The following PCNT variants were observed in gnomAD, a reference collection of about 807,000 sequenced individuals.
The protein encoded by PCNT is kendrin.
A neutral mutation model predicts 380.4 loss-of-function variants in PCNT; 319 were observed. The observed-to-expected ratio is 0.84, with a 90% CI of 0.77 to 0.92. The LOEUF is 0.92. Ranked by LOEUF, PCNT falls within the 40% of genes least tolerant of loss-of-function variation. PCNT has a pLI of 0.00. For synonymous variants in PCNT, 1,845 were observed against 1,735.2 expected (o/e 1.06, Z -1.57); for missense variants, 4,400 against 4,255.3 (o/e 1.03, Z -0.95).
intron 30 of PCNT, among the ~76,000 whole-genome samples, chr21:46,417,579 T>C (rs2087082890): frequency 6.6e-6 from 1 of 152,192 alleles, no homozygotes; most frequent in Non-Finnish European, 1.5e-5. Flanking sequence ...ACATAATCAT[T>C]TTGGGATTTT....
chr21:46,412,697 G>A (rs1569271193), intron 28 of PCNT, 140 bp from the exon 29 acceptor site: 1 of 898,648 alleles, frequency 1.1e-6, no homozygotes, highest in African/African-American at 1.6e-5. Flanking sequence ...GGACCAAGGT[G>A]CTCGGCTGTG....
chr21:46,443,211 T>A (rs2082800854), intron 44 of PCNT: 1 of 162,064 alleles, frequency 6.2e-6, no homozygotes, highest in African/African-American at 2.4e-5. Flanking sequence ...CTTACCAAGT[T>A]GTTGTTGTTG....
At chr21:46,361,107 T>C (rs2084698677) in intron 13 of PCNT, among the ~76,000 whole-genome samples, 1 of 152,204 alleles carries the variant, frequency 6.6e-6, no homozygotes, top group African/African-American at 2.4e-5. Flanking sequence ...ATACACATTC[T>C]TGGCCCGGCA....
chr21:46,372,308 C>T (rs1439817208), intron 15 of PCNT, among the ~76,000 whole-genome samples: 2 of 152,074 alleles, frequency 1.3e-5, no homozygotes, highest in Non-Finnish European at 2.9e-5. Flanking sequence ...AGCAGATGTG[C>T]ACACAGCACG....
intron 27 of PCNT, among the ~76,000 whole-genome samples, chr21:46,403,906 T>TTG (rs746231871): frequency 0.018 from 1,280 of 70,968 alleles, 20 homozygotes; most frequent in Non-Finnish European, 0.026. Flanking sequence ...CGTGGGAGAA[T>TTG]TGTGTGTGTG....
chr21:46,398,216 A>G lies in PCNT; in HGVS notation c.4564-19A>G. The G allele has an allele frequency of 6.2e-7, 1 of 1,608,514 alleles. No individual in the cohort carries two copies. Among genetic ancestry groups the G allele is most frequent in the African/African-American group, 1.3e-5 (1 of 74,942 alleles). On this transcript the variant is annotated intron_variant, in intron 23 of 46. Transcript: ENST00000359568. ...AACTTTCTTTAAATTTTTGCCTTCC[A>G]TGTACATGAAATCGGCAGCAGGCGC... is the stretch of plus-strand genomic sequence containing the variant.
In PCNT at chr21:46,357,096, G is replaced by A; in HGVS notation, c.2059G>A (p.Glu687Lys). The A allele has an allele frequency of 1.2e-6, 2 of 1,613,742 alleles. No homozygotes were observed. The highest frequency in any genetic ancestry group is 2.2e-5 in the East Asian group (1 of 44,880). The change falls in exon 13 of 47, where the codon GAG (glutamate) becomes AAG (lysine). Residue 687 changes from glutamate to lysine, a missense_variant. By Grantham distance (56) the Glu-to-Lys change is moderately conservative. Coordinates refer to ENST00000359568, the MANE Select transcript of PCNT (RefSeq NM_006031.6). ...GGTGCAACTTTCGCTTCTTCAGACT[G>A]AGCTCAAAGAAGAAATTGAACTCCT... ...HKVQLSLLQT[E>K]LKEEIELLKI...
chr21:46,339,099 G>T (rs1184536765), intron 3 of PCNT, among the ~76,000 whole-genome samples: 3 of 151,710 alleles, frequency 2.0e-5, no homozygotes, highest in African/African-American at 7.3e-5. Flanking sequence ...TGTATTTTTA[G>T]TAGGGATAGT....
intron 21 of PCNT, 23 bp downstream of exon 21, chr21:46,391,399 G>A (rs1441719940): frequency 6.5e-7 from 1 of 1,536,410 alleles, no homozygotes. Flanking sequence ...GGCTGTGGAG[G>A]GTGGTGCGAG....
Position 46,354,008 on chromosome 21 carries a change from AGAGAAACCT to A in PCNT, c.1708_1716del (p.Pro570_Lys572del), listed in dbSNP as rs1217800822. Reference sequence around the variant, plus strand: ...TCAGGTTGTCCTGTGTGGGTTTAGAAGAGAAACCTGAGAAAGGAAGAAAAGATCACGTTG... The same window carrying A: ...TCAGGTTGTCCTGTGTGGGTTTAGAAGAGAAAGGAAGAAAAGATCACGTTG... On this transcript the variant is annotated inframe_deletion, in exon 11 of 47. Transcript: ENST00000359568. 2 of 1,614,098 alleles carry A rather than the reference AGAGAAACCT, an allele frequency of 1.2e-6. No homozygotes were observed. The highest frequency in any genetic ancestry group is 1.7e-6 in the Non-Finnish European group (2 of 1,179,950).
In PCNT at chr21:46,398,046, G is replaced by A. The variant is rs1447516856; in HGVS notation, c.4479G>A (p.Glu1493=). ...CAGCCGAGCGGGAGCACGAGCGCGAGGAGTTCCAGCAGGAGATTCAGAGGC... is the reference window on the plus strand; with the variant it reads ...CAGCCGAGCGGGAGCACGAGCGCGAAGAGTTCCAGCAGGAGATTCAGAGGC... ...EQAAEREHER[E]EFQQEIQRLE... The change falls in exon 23 of 47, where the codon GAG becomes GAA. Residue 1493 remains glutamate (E), a synonymous_variant. Transcript: ENST00000359568. The A allele has an allele frequency of 1.3e-6, 2 of 1,595,768 alleles. No homozygotes were observed. The highest frequency in any genetic ancestry group is 1.7e-6 in the Non-Finnish European group (2 of 1,172,348).
intron 25 of PCNT, among the ~76,000 whole-genome samples, chr21:46,400,768 C>T (rs2086397103): frequency 6.6e-6 from 1 of 152,156 alleles, no homozygotes; most frequent in African/African-American, 2.4e-5. Context: ...GATCTGCCCG[C>T]CTTGGCCTCT....
intron 20 of PCNT, 86 bp from the exon 21 acceptor site, chr21:46,391,078 C>T: frequency 3.8e-6 from 5 of 1,320,006 alleles, no homozygotes; most frequent in Non-Finnish European, 5.3e-6. Flanking sequence ...CTCTCAGGGG[C>T]AGTGGCCCCG....
At chr21:46,355,797 C>T (rs1378900934) in intron 12 of PCNT, among the ~76,000 whole-genome samples, 171 bp downstream of exon 12, 2 of 152,174 alleles carry the variant, frequency 1.3e-5, no homozygotes, top group African/African-American at 2.4e-5. Context: ...GAGGGTTTGG[C>T]GTTAGAGGCG....
intron 10 of PCNT, 143 bp downstream of exon 10, chr21:46,353,469 AGAT>A: frequency 1.3e-6 from 1 of 782,772 alleles, no homozygotes; most frequent in Non-Finnish European, 2.2e-6. Flanking sequence ...CAGATTTAAA[AGAT>A]GACACAGGCA....
rs2839221 is a variant in PCNT at position 46,355,209 on chromosome 21, C to T, written c.1762-243C>T. 0.13 allele frequency among the ~76,000 whole-genome samples: 19,623 copies of T among 152,238 alleles called. 3,527 individuals are homozygous for T. The highest frequency in any genetic ancestry group is 0.41 in the African/African-American group (16,853 of 41,504). On this transcript the variant is annotated intron_variant, in intron 11 of 46. Transcript: ENST00000359568. Reference sequence around the variant, plus strand: ...CCTGCCGCCCTGAGGAGCACCAGTCCCTGTCAGTGCCACCAATTCTTGTAT... The same window carrying T: ...CCTGCCGCCCTGAGGAGCACCAGTCTCTGTCAGTGCCACCAATTCTTGTAT...
intron 46 of PCNT, 50 bp from the exon 47 acceptor site, chr21:46,445,234 T>C (rs1484472690): frequency 3.1e-6 from 4 of 1,286,574 alleles, no homozygotes; most frequent in South Asian, 1.2e-5. Flanking sequence ...TTTCAAAAAA[T>C]CTGTGAAGCC....
At chr21:46,328,606 G>A (rs143869365) in intron 2 of PCNT, among the ~76,000 whole-genome samples, 5 of 152,008 alleles carry the variant, frequency 3.3e-5, no homozygotes, top group Admixed American at 6.6e-5. Flanking sequence ...GATTGCAGGC[G>A]CCTGCCACCA....
chr21:46,400,137 C>T (rs74633624), intron 25 of PCNT, among the ~76,000 whole-genome samples: 6,187 of 152,190 alleles, frequency 0.041, 187 homozygotes, highest in Non-Finnish European at 0.061. Context: ...TTGATGAGAG[C>T]CCCTTGTAAT....
Sources: allele counts gnomAD v4.1 joint callset (sites outside exome capture counted in the v4.1 genomes callset), GRCh38; gene constraint gnomAD v4.1.1; transcripts MANE v1.5; gene names NCBI Gene and HGNC (gene_info 2026-07-23, HGNC 2026-07-21).